KCNC1: variants seen among roughly 807,000 people sequenced by gnomAD.
The protein encoded by KCNC1 is voltage-gated potassium channel KCNC1.
KCNC1 carries 8 observed loss-of-function variants against 43.4 expected under a neutral mutation model. The ratio of observed to expected loss-of-function variants is 0.18; its 90% confidence interval spans 0.11 to 0.33. KCNC1 has a LOEUF of 0.33. Among genes scored for constraint, KCNC1 ranks in the 10% least tolerant of loss-of-function variants. The probability of loss-of-function intolerance (pLI) is 1.00; values close to 1 mark genes in which losing one functional copy is unlikely to be tolerated. For synonymous variants in KCNC1, 361 were observed against 360.5 expected, an observed-to-expected ratio of 1.00 and a Z score of -0.01; for missense variants, 420 against 836.0, an observed-to-expected ratio of 0.50 and a Z score of 6.14.
intron 1 of KCNC1, among the ~76,000 whole-genome samples, chr11:17,766,810 G>A (rs890192003): frequency 1.2e-4 from 19 of 152,044 alleles, no homozygotes; most frequent in African/African-American, 4.3e-4. Context: ...GGTGGGGCTG[G>A]GTTTTTAACT....
In KCNC1 at chr11:17,781,968, G is replaced by T. The variant is rs576334178; in HGVS notation, c.*234G>T. ...TTAAAATTTTATTTTATTTGGGGAGGGGGGGTGGAGGGGCTCCTTAGCATG... is the reference window on the plus strand; with the variant it reads ...TTAAAATTTTATTTTATTTGGGGAGTGGGGGTGGAGGGGCTCCTTAGCATG... On this transcript the variant is annotated 3_prime_UTR_variant, in exon 4 of 4. Transcript: ENST00000265969. The surrounding 1 kb of genome is among the most constrained non-coding windows in gnomAD (Gnocchi z 5.1). The T allele has an allele frequency of 8.8e-6, 4 of 454,658 alleles. No individual in the cohort carries two copies. The highest frequency in any genetic ancestry group is 6.9e-5 in the East Asian group (2 of 28,940). 28.2% of individuals were successfully genotyped at this position (454,658 alleles called of 1,614,324 possible). A position where few individuals can be genotyped will look rare whatever the true frequency, so the allele number is the denominator to read the frequency against.
chr11:17,764,993 C>A (rs767590178), intron 1 of KCNC1, among the ~76,000 whole-genome samples: 62 of 152,328 alleles, frequency 4.1e-4, no homozygotes, highest in Non-Finnish European at 6.9e-4. Flanking sequence ...GGCGGAAAAA[C>A]TGACCTGAAG....
chr11:17,750,788 C>A (rs1026602167), intron 1 of KCNC1, among the ~76,000 whole-genome samples: 1 of 152,212 alleles, frequency 6.6e-6, no homozygotes, highest in Non-Finnish European at 1.5e-5. Flanking sequence ...GCTAGGCCGG[C>A]TCTCATGGCT....
chr11:17,744,719 G>A (rs1161008455), intron 1 of KCNC1, among the ~76,000 whole-genome samples: 1 of 152,086 alleles, frequency 6.6e-6, no homozygotes, highest in Non-Finnish European at 1.5e-5. Flanking sequence ...GGGGAAGGGC[G>A]CAGGGGATGG....
At position 17,773,789 on chromosome 11, in the gene KCNC1, A is replaced by G; in HGVS notation, c.1504+1191A>G. On this transcript the variant is annotated intron_variant, in intron 2 of 3. Coordinates refer to ENST00000265969, the MANE Select transcript of KCNC1 (RefSeq NM_001112741.2). This position sits in a 1 kb window ranked among gnomAD's most constrained non-coding sequence, Gnocchi z 4.1. ...CACAGGGATTTCAAAGGAACAGATG[A>G]CCCAGAGAAGAATGACAGCACTGAG... is the stretch of plus-strand genomic sequence containing the variant. 1.0e-6 allele frequency: 1 copy of G among 985,536 alleles called. No individual in the cohort carries two copies. Among genetic ancestry groups the G allele is most frequent in the African/African-American group, 1.7e-5 (1 of 57,358 alleles). 61.0% of individuals were successfully genotyped at this position (985,536 alleles called of 1,614,324 possible).
At chr11:17,749,264 G>T (rs188749301) in intron 1 of KCNC1, among the ~76,000 whole-genome samples, 2 of 152,370 alleles carry the variant, frequency 1.3e-5, no homozygotes, top group African/African-American at 4.8e-5. Flanking sequence ...TCACTGCACT[G>T]CGAGCACTGG....
rs1392476008 is a variant in KCNC1, at chr11:17,771,677, G to A, written c.583G>A (p.Ala195Thr). The part of the protein sequence containing the change: ...SSRYARYVAF[A>T]SLFFILVSIT... ...TTTATCCCCACAGTATGTGGCCTTCGCTTCCCTCTTCTTCATCCTGGTCTC... is the reference window on the plus strand; with the variant it reads ...TTTATCCCCACAGTATGTGGCCTTCACTTCCCTCTTCTTCATCCTGGTCTC... The change falls in exon 2 of 4, where the codon GCT becomes ACT. Residue 195 changes from alanine to threonine, a missense_variant. By Grantham distance (58) the Ala-to-Thr change is moderately conservative. Transcript: ENST00000265969. This position sits in a 1 kb window ranked among gnomAD's most constrained non-coding sequence, Gnocchi z 4.7. 5.6e-6 allele frequency: 9 copies of A among 1,608,308 alleles called. No individual in the cohort carries two copies. Among genetic ancestry groups the A allele is most frequent in the East Asian group, 4.5e-5 (2 of 44,716 alleles).
intron 1 of KCNC1, among the ~76,000 whole-genome samples, chr11:17,770,384 G>A (rs572598545): frequency 3.3e-4 from 51 of 152,352 alleles, no homozygotes; most frequent in African/African-American, 1.1e-3. Context: ...ACATGCAGGC[G>A]GGAGTGACTA....
chr11:17,741,526 C>T (rs1013147443), intron 1 of KCNC1, among the ~76,000 whole-genome samples: 1 of 152,124 alleles, frequency 6.6e-6, no homozygotes, highest in African/African-American at 2.4e-5. Context: ...CCCTCAGGCT[C>T]ACCTCCCCGG....
chr11:17,772,405 C>A lies in KCNC1; in HGVS notation c.1311C>A (p.Asn437Lys), dbSNP rs1849240473. 1 of 1,614,050 alleles carries A rather than the reference C, an allele frequency of 6.2e-7. No homozygotes were observed. ...TIAMPVPVIV[N>K]NFGMYYSLAM... ...CCATGCCCGTGCCCGTCATCGTGAA[C>A]AATTTCGGGATGTATTACTCCTTAG... Residue 437 changes from asparagine to lysine, a missense_variant, in exon 2 of 4, where the codon AAC becomes AAA. Transcript: ENST00000265969.
chr11:17,775,984 G>C (rs1474356108), intron 2 of KCNC1: 2 of 985,230 alleles, frequency 2.0e-6, no homozygotes, highest in African/African-American at 1.7e-5. Flanking sequence ...TATCCATGGA[G>C]GGGGGAGGGA....
intron 1 of KCNC1, among the ~76,000 whole-genome samples, chr11:17,754,127 G>C (rs561375984): frequency 3.9e-5 from 6 of 152,320 alleles, no homozygotes; most frequent in Admixed American, 1.3e-4. Context: ...AAGTGATTGT[G>C]CCTGCTGCCA....
chr11:17,763,736 G>C, intron 1 of KCNC1, among the ~76,000 whole-genome samples: 1 of 55,558 alleles, frequency 1.8e-5, no homozygotes, highest in Non-Finnish European at 3.3e-5. Flanking sequence ...CCCCACACAT[G>C]TTCATATACA....
At chr11:17,775,290 C>G in intron 2 of KCNC1, 1 of 981,738 alleles carries the variant, frequency 1.0e-6, no homozygotes, top group Non-Finnish European at 1.2e-6. Flanking sequence ...ATCCCTCCCG[C>G]CCCCCCAGGC....
At chr11:17,767,763 T>G (rs10444223) in intron 1 of KCNC1, among the ~76,000 whole-genome samples, 105,241 of 152,064 alleles carry the variant, frequency 0.69, 37,369 homozygotes, top group East Asian at 0.98. Flanking sequence ...GCCTGAGCAG[T>G]GTGAGAGGCC....
intron 1 of KCNC1, among the ~76,000 whole-genome samples, chr11:17,757,286 T>C (rs1383733058): frequency 6.6e-6 from 1 of 151,992 alleles, no homozygotes; most frequent in Non-Finnish European, 1.5e-5. Flanking sequence ...GAAGAGAGCA[T>C]GAAGGAAGCC....
rs1590109180 is a variant in KCNC1, at chr11:17,777,944, G to C, written c.1505-1512G>C. 1 of 661,572 alleles carries C rather than the reference G, an allele frequency of 1.5e-6. No individual in the cohort carries two copies. Among genetic ancestry groups the C allele is most frequent in the Non-Finnish European group, 1.9e-6 (1 of 534,072 alleles). 41.0% of individuals were successfully genotyped at this position (661,572 alleles called of 1,614,324 possible). On this transcript the variant is annotated intron_variant, in intron 2 of 3. Transcript: ENST00000265969. This position sits in a 1 kb window ranked among gnomAD's most constrained non-coding sequence, Gnocchi z 4.3. ...ACTTCTGCGTGTAGTTACATGATGTGAACAGGATCACGGGAGAGTGTTCAA... is the reference window on the plus strand; with the variant it reads ...ACTTCTGCGTGTAGTTACATGATGTCAACAGGATCACGGGAGAGTGTTCAA...
In KCNC1 at chr11:17,776,262, C is replaced by T. The variant is rs368744164; in HGVS notation, c.1505-3194C>T. ...TTGTTGCATGACTTGTGCCGGTTCT[C>T]GTGATTGTTCCCTGCTCGTGTCTCA... is the stretch of plus-strand genomic sequence containing the variant. On this transcript the variant is annotated intron_variant, in intron 2 of 3. Transcript: ENST00000265969. The surrounding 1 kb of genome is among the most constrained non-coding windows in gnomAD (Gnocchi z 4.4). 5 of 985,272 alleles carry T rather than the reference C, an allele frequency of 5.1e-6. No individual in the cohort carries two copies. Among genetic ancestry groups the T allele is most frequent in the Middle Eastern group, 5.2e-4 (1 of 1,936 alleles). 61.0% of individuals were successfully genotyped at this position (985,272 alleles called of 1,614,324 possible). A position where few individuals can be genotyped will look rare whatever the true frequency, so the allele number is the denominator to read the frequency against.
Position 17,744,632 on chromosome 11 carries a change from T to G in KCNC1, c.570+8060T>G, listed in dbSNP as rs57284893. ...CTTAGGGAGCTGCAGAAAGGCCCACTTGGAGCTCCTGTGTGCCAGGCTGTG... is the reference window on the plus strand; with the variant it reads ...CTTAGGGAGCTGCAGAAAGGCCCACGTGGAGCTCCTGTGTGCCAGGCTGTG... On this transcript the variant is annotated intron_variant, in intron 1 of 3. Transcript: ENST00000265969. 8.3e-3 allele frequency among the ~76,000 whole-genome samples: 1,269 copies of G among 152,206 alleles called. 19 individuals carry two copies. Among genetic ancestry groups the G allele is most frequent in the African/African-American group, 0.029 (1,218 of 41,530 alleles).
Sources: gnomAD v4.1 joint callset for allele counts (sites outside exome capture counted in the v4.1 genomes callset) on GRCh38, gnomAD v4.1.1 for gene constraint, Gnocchi (gnomAD v3.1) non-coding constraint, MANE v1.5 for transcripts, NCBI Gene and HGNC (gene_info 2026-07-23, HGNC 2026-07-21) for gene names.